CEP57: variants seen among roughly 807,000 people sequenced by gnomAD.
The protein encoded by CEP57 is centrosomal protein 57, also known as centrosomal protein of 57 kDa.
In CEP57, 40 loss-of-function variants were observed where a neutral mutation model predicts 68.0. The observed-to-expected ratio is 0.59, with a 90% CI of 0.46 to 0.77. CEP57 has a LOEUF of 0.77. Among genes scored for constraint, CEP57 ranks in the 30% least tolerant of loss-of-function variants. The pLI is 0.00. For missense variants in CEP57, 606 were observed against 580.7 expected, an observed-to-expected ratio of 1.04 and a Z score of -0.45; for synonymous variants, 219 against 198.7, an observed-to-expected ratio of 1.10 and a Z score of -0.86.
At position 95,790,729 on chromosome 11, in the gene CEP57, G is replaced by C. The variant is rs755854165; in HGVS notation, c.31G>C (p.Gly11Arg). The C allele has an allele frequency of 6.8e-6, 11 of 1,613,936 alleles. No individual in the cohort carries two copies. The Admixed American group carries it at 1.8e-4, about 27-fold the overall frequency. MAAASVSAAS[G>R]SHLSNSFAEP... Reference sequence around the variant, plus strand: ...GGCGGCGTCTGTCTCTGCGGCTTCTGGTTCTCACTTGTCGGTAAGAAGCAG... The same window carrying C: ...GGCGGCGTCTGTCTCTGCGGCTTCTCGTTCTCACTTGTCGGTAAGAAGCAG... Residue 11 changes from glycine (G) to arginine (R), a missense_variant, in exon 1 of 11, where the codon GGT becomes CGT. Transcript: ENST00000325542.
At chr11:95,797,180 A>T (rs1272749111) in intron 1 of CEP57, among the ~76,000 whole-genome samples, 2 of 74,212 alleles carry the variant, frequency 2.7e-5, no homozygotes, top group African/African-American at 1.1e-4. Context: ...CAACACACAC[A>T]CACACAGACG....
intron 10 of CEP57, 111 bp from the exon 11 acceptor site, chr11:95,830,915 A>C (rs1019522131): frequency 1.4e-6 from 1 of 709,060 alleles, no homozygotes; most frequent in African/African-American, 1.9e-5. Flanking sequence ...ATTATTTTTC[A>C]GTTAGCATGA....
intron 4 of CEP57, chr11:95,815,260 T>G (rs931422945): frequency 7.9e-5 from 12 of 152,202 alleles, no homozygotes; most frequent in African/African-American, 2.7e-4. Flanking sequence ...TGAGAAGATG[T>G]CTCAGTAATT....
intron 4 of CEP57, chr11:95,815,400 A>G (rs1862259020): frequency 6.6e-6 from 1 of 152,018 alleles, no homozygotes. Context: ...CCTTCCTTCT[A>G]TCTCTTTGAA....
rs1205283130 is a variant in CEP57 at position 95,831,052 on chromosome 11, G to C, written c.1299G>C (p.Gln433His). 6.2e-7 allele frequency: 1 copy of C among 1,612,828 alleles called. No individual in the cohort carries two copies. The highest frequency in any genetic ancestry group is 1.1e-5 in the South Asian group (1 of 90,800). The change falls in exon 11 of 11, where the codon CAG becomes CAC. Residue 433 changes from glutamine to histidine, a missense_variant. Gln to His is a conservative substitution (Grantham distance 24, BLOSUM62 0). Transcript: ENST00000325542. ...AQLEKQKLEK[Q>H]KKELKATKKT... ...TGGAGAAACAGAAGTTAGAGAAGCAGAAGAAGGAATTAAAAGCTACCAAAA... is the reference window on the plus strand; with the variant it reads ...TGGAGAAACAGAAGTTAGAGAAGCACAAGAAGGAATTAAAAGCTACCAAAA...
rs753111395 is a variant in CEP57, at chr11:95,813,556, C to T, written c.471C>T (p.Ala157=). Residue 157 remains alanine (A), a synonymous_variant, in exon 4 of 11, where the codon GCC becomes GCT. Transcript: ENST00000325542. The part of the protein sequence containing the change: ...LEYMRNMIKH[A]EMERTSVLEK... ...ACATGCGAAATATGATAAAGCATGC[C>T]GAAATGGAGAGGACATCTGTCTTAG... 1.5e-5 allele frequency: 24 copies of T among 1,612,876 alleles called. No homozygotes were observed. Among genetic ancestry groups the T allele is most frequent in the East Asian group, 4.5e-5 (2 of 44,828 alleles).
At chr11:95,797,171 AAC>A (rs139300001) in intron 1 of CEP57, among the ~76,000 whole-genome samples, 10 of 24,766 alleles carry the variant, frequency 4.0e-4, no homozygotes, top group Non-Finnish European at 3.9e-4. Context: ...CCCCCCTCCC[AAC>A]ACACACACAC....
intron 1 of CEP57, among the ~76,000 whole-genome samples, chr11:95,797,642 A>G (rs1861406848): frequency 2.0e-5 from 3 of 152,208 alleles, no homozygotes; most frequent in African/African-American, 7.2e-5. Context: ...ATCTGAAACC[A>G]AGGACAAAAG....
In CEP57 at chr11:95,790,524, CG is replaced by C. The variant is rs1860969404; in HGVS notation, c.-173del. The stretch of plus-strand genomic sequence containing the variant: ...TTTCTGTGTAAGCTGTGAGCGTAGG[CG>C]GCCCTGAGGGGGTGTGTTGCAGGGG... On this transcript the variant is annotated 5_prime_UTR_variant, in exon 1 of 11. Coordinates refer to ENST00000325542, the MANE Select transcript of CEP57 (RefSeq NM_014679.5). 1 of 662,624 alleles carries C rather than the reference CG, an allele frequency of 1.5e-6. No homozygotes were observed. Among genetic ancestry groups the C allele is most frequent in the Admixed American group, 2.7e-5 (1 of 36,544 alleles). 41.0% of individuals were successfully genotyped at this position (662,624 alleles called of 1,614,324 possible).
intron 1 of CEP57, among the ~76,000 whole-genome samples, chr11:95,790,953 C>T (rs1240690167): frequency 1.3e-5 from 2 of 152,224 alleles, no homozygotes; most frequent in Non-Finnish European, 2.9e-5. Context: ...GGGCTGGCCG[C>T]CCCTGTTCCC....
chr11:95,814,078 T>TAGG (rs879261228), intron 4 of CEP57, among the ~76,000 whole-genome samples: 42,320 of 152,098 alleles, frequency 0.28, 7,057 homozygotes, highest in Non-Finnish European at 0.38. Context: ...GATCTCACTC[T>TAGG]GTCTCACTCT....
In CEP57 at chr11:95,827,993, C is replaced by G; in HGVS notation, c.1093C>G (p.Gln365Glu). ...GINEELSEVLQTLQDEFGQMS... is the reference protein window; with the variant it reads ...GINEELSEVLETLQDEFGQMS... ...TAATGAGGAGTTGTCAGAAGTCTTACAGACTTTACAGGATGAATTTGGGCA... is the reference window on the plus strand; with the variant it reads ...TAATGAGGAGTTGTCAGAAGTCTTAGAGACTTTACAGGATGAATTTGGGCA... Residue 365 changes from glutamine (Q) to glutamate (E), a missense_variant, in exon 9 of 11, where the codon CAG (glutamine) becomes GAG (glutamate). Gln to Glu is a conservative substitution (Grantham distance 29). Coordinates refer to ENST00000325542, the MANE Select transcript of CEP57 (RefSeq NM_014679.5). 1 of 1,613,722 alleles carries G rather than the reference C, an allele frequency of 6.2e-7. No individual in the cohort carries two copies.
chr11:95,806,886 G>C (rs762537597), intron 2 of CEP57, among the ~76,000 whole-genome samples: 1 of 152,190 alleles, frequency 6.6e-6, no homozygotes, highest in Non-Finnish European at 1.5e-5. Context: ...TTCCCAGCAC[G>C]GAGTTTGAGA....
At chr11:95,813,317 T>C (rs1044597714) in intron 3 of CEP57, 151 bp from the exon 4 acceptor site, 1 of 1,054,294 alleles carries the variant, frequency 9.5e-7, no homozygotes, top group Admixed American at 2.3e-5. Flanking sequence ...GACTAGCACG[T>C]AGAAAGAATG....
In CEP57 at chr11:95,832,603, A is replaced by G. The variant is rs1356868228; in HGVS notation, c.*1347A>G. The G allele has an allele frequency of 1.3e-5, 2 of 152,118 alleles. No homozygotes were observed. Among genetic ancestry groups the G allele is most frequent in the Non-Finnish European group, 2.9e-5 (2 of 68,004 alleles). 9.4% of individuals were successfully genotyped at this position (152,118 alleles called of 1,614,324 possible). On this transcript the variant is annotated 3_prime_UTR_variant, in exon 11 of 11. Coordinates refer to ENST00000325542, the MANE Select transcript of CEP57 (RefSeq NM_014679.5). Reference sequence around the variant, plus strand: ...ACAGTGCTCTGGTGACATGATAAATATATGTGTCAACCACCATTTCAGCTA... The same window carrying G: ...ACAGTGCTCTGGTGACATGATAAATGTATGTGTCAACCACCATTTCAGCTA...
intron 2 of CEP57, among the ~76,000 whole-genome samples, chr11:95,805,830 A>C (rs1193042619): frequency 6.7e-6 from 1 of 150,094 alleles, no homozygotes; most frequent in African/African-American, 2.5e-5. Flanking sequence ...ACAGTATCTA[A>C]TATATATATA....
rs1158947492 is a variant in CEP57 at position 95,831,461 on chromosome 11, A to C, written c.*205A>C. 1 of 477,644 alleles carries C rather than the reference A, an allele frequency of 2.1e-6. No homozygotes were observed. The highest frequency in any genetic ancestry group is 2.0e-5 in the African/African-American group (1 of 51,014). 29.6% of individuals were successfully genotyped at this position (477,644 alleles called of 1,614,324 possible). On this transcript the variant is annotated 3_prime_UTR_variant, in exon 11 of 11. Transcript: ENST00000325542. ...TTTAAATGGAAACCAGGGGAGTTTT[A>C]AAGCCCGAGAAACCACACATAATCT...
chr11:95,813,871 A>G (rs1428307148), intron 4 of CEP57, among the ~76,000 whole-genome samples: 1 of 152,236 alleles, frequency 6.6e-6, no homozygotes, highest in South Asian at 2.1e-4. Context: ...AAATAACCAT[A>G]TACCTCTGTA....
Position 95,821,889 on chromosome 11 carries a change from A to G in CEP57, c.718A>G (p.Thr240Ala). ...TTCCTAGTTGCAGACTGGTCTAGAA[A>G]CAAATAGACTTATCTTTGAAGATAA... ...KAAELQTGLE[T>A]NRLIFEDKAT... The change falls in exon 7 of 11, where the codon ACA (threonine) becomes GCA (alanine). Residue 240 changes from threonine (T) to alanine (A), a missense_variant. By Grantham distance (58) the Thr-to-Ala change is moderately conservative (BLOSUM62 0). Coordinates refer to ENST00000325542, the MANE Select transcript of CEP57 (RefSeq NM_014679.5). 6.2e-7 allele frequency: 1 copy of G among 1,611,510 alleles called. No homozygotes were observed. Among genetic ancestry groups the G allele is most frequent in the South Asian group, 1.1e-5 (1 of 90,982 alleles).
Sources: gnomAD v4.1 joint callset for allele counts (sites outside exome capture counted in the v4.1 genomes callset) on GRCh38, gnomAD v4.1.1 for gene constraint, MANE v1.5 for transcripts, NCBI Gene and HGNC (gene_info 2026-07-23, HGNC 2026-07-21) for gene names.